IL1RAPL2: variants seen among roughly 807,000 people sequenced by gnomAD.
IL1RAPL2 encodes the protein X-linked interleukin-1 receptor accessory protein-like 2.
IL1RAPL2 carries 3 observed loss-of-function variants against 44.1 expected under a neutral mutation model. That is an observed-to-expected ratio of 0.07 (90% CI 0.03 to 0.18). The LOEUF (loss-of-function observed/expected upper bound fraction) is 0.18, where lower values mean the gene tolerates loss of function less well. Ranked by LOEUF, IL1RAPL2 falls within the 10% of genes least tolerant of loss-of-function variation. The pLI is 1.00. For missense variants in IL1RAPL2, 391 were observed against 496.4 expected, an observed-to-expected ratio of 0.79 and a Z score of 2.02; for synonymous variants, 181 against 178.8, an observed-to-expected ratio of 1.01 and a Z score of -0.10.
At chrX:104,609,261 C>T (rs1443624653) in intron 1 of IL1RAPL2, among the ~76,000 whole-genome samples, 6 of 111,864 alleles carry the variant, frequency 5.4e-5, no homozygotes, top group Non-Finnish European at 7.5e-5. Flanking sequence ...GTAACTCGAC[C>T]TTTCTCTCTG....
At chrX:105,032,878 A>G (rs1428518859) in intron 2 of IL1RAPL2, among the ~76,000 whole-genome samples, 3 of 111,058 alleles carry the variant, frequency 2.7e-5, no homozygotes, top group South Asian at 3.8e-4. Flanking sequence ...TTTGTAGGTC[A>G]CTAAGGACTT....
chrX:104,780,162 A>G lies in IL1RAPL2; in HGVS notation c.82+121167A>G, dbSNP rs751163926. ...CAGGTAGGGATATATAGGTGGATTAAAAAAACACCAAAATATGAATATCAA... is the reference window on the plus strand; with the variant it reads ...CAGGTAGGGATATATAGGTGGATTAGAAAAACACCAAAATATGAATATCAA... On this transcript the variant is annotated intron_variant, in intron 2 of 10. Coordinates refer to ENST00000372582, the MANE Select transcript of IL1RAPL2 (RefSeq NM_017416.2). 3.6e-5 allele frequency among the ~76,000 whole-genome samples: 4 copies of G among 112,022 alleles called. No homozygotes were observed. In the South Asian group the frequency reaches 1.5e-3, roughly 42 times the overall value.
chrX:105,677,458 A>G (rs2037882149), intron 6 of IL1RAPL2, among the ~76,000 whole-genome samples: 1 of 112,527 alleles, frequency 8.9e-6, no homozygotes, highest in East Asian at 2.8e-4. Context: ...ACCAGGCTCT[A>G]TAGAACAAAC....
chrX:105,748,910 C>A lies in IL1RAPL2; in HGVS notation c.1049-50C>A, dbSNP rs368849055. 8 of 1,132,922 alleles carry A rather than the reference C, an allele frequency of 7.1e-6. No homozygotes were observed. In the African/African-American group the frequency reaches 1.3e-4, roughly 18 times the overall value. 93.4% of individuals were successfully genotyped at this position (1,132,922 alleles called of 1,213,427 possible). On this transcript the variant is annotated intron_variant, in intron 8 of 10. Coordinates refer to ENST00000372582, the MANE Select transcript of IL1RAPL2 (RefSeq NM_017416.2). The stretch of plus-strand genomic sequence containing the variant: ...ATATACTAGAAATATGGGAAGATCC[C>A]AAGTGTTGCTGATTTAATTACCTTT...
chrX:104,936,686 G>A (rs1034247434), intron 2 of IL1RAPL2, among the ~76,000 whole-genome samples: 6 of 102,366 alleles, frequency 5.9e-5, no homozygotes, highest in African/African-American at 1.1e-4. Flanking sequence ...GCAATGGCGC[G>A]ATCTCGGCTC....
intron 5 of IL1RAPL2, among the ~76,000 whole-genome samples, chrX:105,394,078 G>C (rs968084481): frequency 8.9e-6 from 1 of 112,316 alleles, no homozygotes; most frequent in African/African-American, 3.2e-5. Flanking sequence ...TGAGAAGTTT[G>C]TTTGTTGTCT....
At chrX:104,848,409 GTATATATATATATATATATATA>G (rs35503754) in intron 2 of IL1RAPL2, among the ~76,000 whole-genome samples, 901 of 64,858 alleles carry the variant, frequency 0.014, 15 homozygotes, top group African/African-American at 0.053. Flanking sequence ...ATTTTTATCT[GTATATATATATATATATATATA>G]TATATATATA....
chrX:105,216,220 C>T (rs1257416496), intron 3 of IL1RAPL2, among the ~76,000 whole-genome samples: 1 of 111,150 alleles, frequency 9.0e-6, no homozygotes, highest in Non-Finnish European at 1.9e-5. Flanking sequence ...CCCATCGTCT[C>T]AGCCCAAAAA....
At chrX:105,563,783 TACATGGAGAAAAAAATGAAAGGAGAG>T (rs751939775) in intron 6 of IL1RAPL2, among the ~76,000 whole-genome samples, 80 of 110,838 alleles carry the variant, frequency 7.2e-4, no homozygotes, top group Admixed American at 9.6e-4. Flanking sequence ...CAGAGCAAAA[TACATGGAGAAAAAAATGAAAGGAGAG>T]ACCTCAAAGT....
Position 104,648,119 on chromosome X carries a change from G to T in IL1RAPL2, c.-19-10776G>T, listed in dbSNP as rs1489834849. 3.8e-5 allele frequency: 15 copies of T among 395,278 alleles called. No individual in the cohort carries two copies. In the African/African-American group the frequency reaches 3.8e-4, roughly 10 times the overall value. The allele number at this position is 395,278 out of a possible 1,213,427, so 32.6% of individuals were successfully genotyped here. A position where few individuals can be genotyped will look rare whatever the true frequency, so the allele number is the denominator to read the frequency against. ...CATACACATACACACACATTCTCAGGCATGCATACATACATAGATTTTTCC... is the reference window on the plus strand; with the variant it reads ...CATACACATACACACACATTCTCAGTCATGCATACATACATAGATTTTTCC... On this transcript the variant is annotated intron_variant, in intron 1 of 10. Transcript: ENST00000372582.
At chrX:105,240,137 C>A (rs1259274505) in intron 4 of IL1RAPL2, among the ~76,000 whole-genome samples, 1 of 112,449 alleles carries the variant, frequency 8.9e-6, no homozygotes, top group African/African-American at 3.2e-5. Context: ...TTATCTTTTT[C>A]ATGAGTCATG....
At chrX:104,833,484 G>A (rs775789067) in intron 2 of IL1RAPL2, among the ~76,000 whole-genome samples, 4 of 111,986 alleles carry the variant, frequency 3.6e-5, no homozygotes, top group Non-Finnish European at 5.6e-5. Context: ...CTCGTGTAAA[G>A]TCATTTGGTT....
rs959478483 is a variant in IL1RAPL2, at chrX:105,187,043, G to A, written c.83-8432G>A. On this transcript the variant is annotated intron_variant, in intron 2 of 10. Coordinates refer to ENST00000372582, the MANE Select transcript of IL1RAPL2 (RefSeq NM_017416.2). ...AGTACACACTCTATTCCTCACCTTTGTACCTCTGCTACCACAGTCCTCTTC... is the reference window on the plus strand; with the variant it reads ...AGTACACACTCTATTCCTCACCTTTATACCTCTGCTACCACAGTCCTCTTC... Among the ~76,000 whole-genome samples the A allele has an allele frequency of 4.5e-5, 5 of 111,391 alleles. No homozygotes were observed. In the South Asian group the frequency reaches 1.5e-3, roughly 34 times the overall value.
intron 2 of IL1RAPL2, among the ~76,000 whole-genome samples, chrX:104,814,667 AGTTGTCT>A (rs1921088393): frequency 8.9e-6 from 1 of 112,093 alleles, no homozygotes; most frequent in African/African-American, 3.2e-5. Context: ...AACCTCCCTC[AGTTGTCT>A]TTCTACTGGT....
In IL1RAPL2 at chrX:105,032,520, A is replaced by G. The variant is rs746633537; in HGVS notation, c.83-162955A>G. On this transcript the variant is annotated intron_variant, in intron 2 of 10. Coordinates refer to ENST00000372582, the MANE Select transcript of IL1RAPL2 (RefSeq NM_017416.2). Reference sequence around the variant, plus strand: ...TTCCGGAGCAGGTTGTTCACTTTCCATGTAGTTGAGCAGTTTTGAGTAAGT... The same window carrying G: ...TTCCGGAGCAGGTTGTTCACTTTCCGTGTAGTTGAGCAGTTTTGAGTAAGT... Among the ~76,000 whole-genome samples, 24 of 111,683 alleles carry G rather than the reference A, an allele frequency of 2.1e-4. No homozygotes were observed. In the South Asian group the frequency reaches 8.7e-3, roughly 41 times the overall value.
chrX:105,368,860 G>A (rs1040990860), intron 5 of IL1RAPL2, among the ~76,000 whole-genome samples: 1 of 110,097 alleles, frequency 9.1e-6, no homozygotes, highest in African/African-American at 3.3e-5. Context: ...CCCTTGGGCT[G>A]TCTTTAATCT....
intron 5 of IL1RAPL2, among the ~76,000 whole-genome samples, chrX:105,340,704 G>A (rs61300757): frequency 0.13 from 14,583 of 111,609 alleles, 2,297 homozygotes; most frequent in African/African-American, 0.45. Context: ...TCCCAGTGAG[G>A]TTTATCCTGC....
chrX:105,073,405 C>T (rs189825163), intron 2 of IL1RAPL2, among the ~76,000 whole-genome samples: 6,551 of 105,654 alleles, frequency 0.062, 593 homozygotes, highest in African/African-American at 0.22. Flanking sequence ...TAGTATTCCA[C>T]GGTGTATATG....
intron 1 of IL1RAPL2, among the ~76,000 whole-genome samples, chrX:104,592,139 C>T (rs1237505099): frequency 2.0e-5 from 1 of 50,495 alleles, no homozygotes; most frequent in African/African-American, 6.2e-5. Flanking sequence ...TTTTTAATGC[C>T]CGTATATGTG....
Sources: gnomAD v4.1 joint callset for allele counts (sites outside exome capture counted in the v4.1 genomes callset) on GRCh38, gnomAD v4.1.1 for gene constraint, MANE v1.5 for transcripts, NCBI Gene and HGNC (gene_info 2026-07-23, HGNC 2026-07-21) for gene names.